The following DNAI4 variants were observed in gnomAD, a reference collection of about 807,000 sequenced individuals.
DNAI4 encodes the protein WD repeat domain 78.
DNAI4 carries 85 observed loss-of-function variants against 105.8 expected under a neutral mutation model. That is an observed-to-expected ratio of 0.80 (90% CI 0.67 to 0.96). The LOEUF (loss-of-function observed/expected upper bound fraction) is 0.96, where lower values mean the gene tolerates loss of function less well. Ranked by LOEUF, DNAI4 falls within the 40% of genes least tolerant of loss-of-function variation. The pLI is 0.00. For synonymous variants in DNAI4, 352 were observed against 331.5 expected (o/e 1.06, Z -0.67); for missense variants, 1,014 against 1,005.6 (o/e 1.01, Z -0.11).
At chr1:66,849,987 GA>G (rs1317929041) in intron 7 of DNAI4, among the ~76,000 whole-genome samples, 1 of 151,980 alleles carries the variant, frequency 6.6e-6, no homozygotes, top group Non-Finnish European at 1.5e-5. Context: ...GGGTGAGCCT[GA>G]AAAAGTACTT....
intron 4 of DNAI4, among the ~76,000 whole-genome samples, chr1:66,880,918 G>T (rs1647055561): frequency 6.6e-6 from 1 of 152,152 alleles, no homozygotes; most frequent in Non-Finnish European, 1.5e-5. Flanking sequence ...CCGGTGTTGT[G>T]TGCAGTCTAG....
At chr1:66,826,771 A>C (rs767185030) in intron 15 of DNAI4, 49 bp downstream of exon 15, 2 of 1,543,844 alleles carry the variant, frequency 1.3e-6, no homozygotes, top group East Asian at 2.3e-5. Flanking sequence ...GGTATCACTT[A>C]GTTTGAACTG....
intron 11 of DNAI4, among the ~76,000 whole-genome samples, chr1:66,835,174 A>G (rs1383070431): frequency 6.6e-6 from 1 of 151,630 alleles, no homozygotes; most frequent in African/African-American, 2.4e-5. Context: ...GCTCTCAAGG[A>G]ACTTATACCC....
chr1:66,880,031 C>T lies in DNAI4; in HGVS notation c.644-5094G>A, dbSNP rs534814178. On this transcript the variant is annotated intron_variant, in intron 4 of 16. Transcript: ENST00000371026. The stretch of plus-strand genomic sequence containing the variant: ...TGATAGTGAATGAGTCTCACAAGGT[C>T]TGATGGTTTTAAAAGCGGGAGTTTC... Among the ~76,000 whole-genome samples the T allele has an allele frequency of 1.6e-3, 246 of 151,634 alleles. 1 individual carries two copies. The highest frequency in any genetic ancestry group is 2.0e-3 in the Admixed American group (31 of 15,224).
intron 1 of DNAI4, among the ~76,000 whole-genome samples, chr1:66,922,054 C>T (rs1271766065): frequency 1.3e-5 from 2 of 151,994 alleles, no homozygotes; most frequent in African/African-American, 2.4e-5. Flanking sequence ...CATGCCACCA[C>T]GCCTGGCTCA....
At chr1:66,880,905 G>A (rs1367258815) in intron 4 of DNAI4, among the ~76,000 whole-genome samples, 5 of 152,148 alleles carry the variant, frequency 3.3e-5, no homozygotes, top group Non-Finnish European at 1.5e-5. Context: ...TGGGCCCAGG[G>A]TCCCGGTGTT....
At chr1:66,896,725 T>C (rs1348467388) in intron 2 of DNAI4, among the ~76,000 whole-genome samples, 2 of 152,196 alleles carry the variant, frequency 1.3e-5, no homozygotes, top group African/African-American at 4.8e-5. Context: ...ACCTCAGCTC[T>C]CTGCAGAGTC....
At chr1:66,838,519 G>A (rs926602994) in intron 9 of DNAI4, among the ~76,000 whole-genome samples, 26 of 152,222 alleles carry the variant, frequency 1.7e-4, no homozygotes, top group African/African-American at 6.0e-4. Flanking sequence ...ATATTGTTAC[G>A]GCAGCATGAG....
At chr1:66,869,081 TAAA>T (rs1472465392) in intron 6 of DNAI4, among the ~76,000 whole-genome samples, 1 of 148,568 alleles carries the variant, frequency 6.7e-6, no homozygotes, top group Non-Finnish European at 1.5e-5. Context: ...TCAAAATAAA[TAAA>T]TAAATAAATA....
At chr1:66,868,941 T>C (rs1646785519) in intron 6 of DNAI4, among the ~76,000 whole-genome samples, 1 of 151,750 alleles carries the variant, frequency 6.6e-6, no homozygotes, top group Non-Finnish European at 1.5e-5. Flanking sequence ...CTGGGTGTGT[T>C]GGTGCGCCTG....
At chr1:66,828,012 C>A (rs542478692) in intron 13 of DNAI4, 102 bp from the exon 14 acceptor site, 3 of 709,774 alleles carry the variant, frequency 4.2e-6, no homozygotes, top group East Asian at 5.7e-5. Flanking sequence ...AATTCAAGAA[C>A]CCAAAATAAA....
intron 13 of DNAI4, among the ~76,000 whole-genome samples, chr1:66,831,756 C>T (rs1002606633): frequency 2.0e-5 from 3 of 152,138 alleles, no homozygotes; most frequent in African/African-American, 7.2e-5. Context: ...CATCACTGTA[C>T]TGGAGGTTGT....
chr1:66,875,300 C>T (rs981134845), intron 4 of DNAI4, among the ~76,000 whole-genome samples: 3 of 152,170 alleles, frequency 2.0e-5, no homozygotes, highest in Admixed American at 2.0e-4. Context: ...ATAAGCAACA[C>T]TTCTTTGAGC....
intron 4 of DNAI4, among the ~76,000 whole-genome samples, chr1:66,889,854 A>G (rs1200080611): frequency 6.6e-6 from 1 of 152,186 alleles, no homozygotes; most frequent in Non-Finnish European, 1.5e-5. Context: ...CAAACAAGTA[A>G]CTAATCATCT....
intron 5 of DNAI4, among the ~76,000 whole-genome samples, chr1:66,872,262 T>C (rs1192907275): frequency 6.6e-6 from 1 of 151,862 alleles, no homozygotes; most frequent in Non-Finnish European, 1.5e-5. Flanking sequence ...GGAGTCTTGC[T>C]CTGTCACCCA....
chr1:66,836,258 A>AAGAAAGAAAGAGAGAGAG (rs1407612579), intron 10 of DNAI4, among the ~76,000 whole-genome samples: 7 of 7,366 alleles, frequency 9.5e-4, no homozygotes, highest in Non-Finnish European at 1.4e-3. Context: ...GAGAGAGAGA[A>AAGAAAGAAAGAGAGAGAG]AGAAAGAAAG....
chr1:66,921,804 G>C lies in DNAI4; in HGVS notation c.170+2858C>G, dbSNP rs147931338. Reference sequence around the variant, plus strand: ...TTCTTCAATCTAGGCAATGGATACAGTAGTGAACAAAACAAAAATCTCTGC... The same window carrying C: ...TTCTTCAATCTAGGCAATGGATACACTAGTGAACAAAACAAAAATCTCTGC... On this transcript the variant is annotated intron_variant, in intron 1 of 16. Coordinates refer to ENST00000371026, the MANE Select transcript of DNAI4 (RefSeq NM_024763.5). Among the ~76,000 whole-genome samples the C allele has an allele frequency of 3.7e-3, 560 of 152,100 alleles. 3 individuals carry two copies. Among genetic ancestry groups the C allele is most frequent in the African/African-American group, 0.012 (516 of 41,504 alleles).
At chr1:66,859,535 T>A (rs1201257665) in intron 7 of DNAI4, among the ~76,000 whole-genome samples, 1 of 152,128 alleles carries the variant, frequency 6.6e-6, no homozygotes, top group Non-Finnish European at 1.5e-5. Context: ...TTACAAAAAA[T>A]TTGAAGCAGC....
rs576816513 is a variant in DNAI4 at position 66,903,737 on chromosome 1, C to T, written c.345+1464G>A. On this transcript the variant is annotated intron_variant, in intron 2 of 16. Transcript: ENST00000371026. Reference sequence around the variant, plus strand: ...CTCGAACTCCTGACCTCAAGTGATCCGCCTGCCTTGGCCTCCCAAAGAGCT... The same window carrying T: ...CTCGAACTCCTGACCTCAAGTGATCTGCCTGCCTTGGCCTCCCAAAGAGCT... 2.3e-3 allele frequency among the ~76,000 whole-genome samples: 354 copies of T among 152,212 alleles called. 1 individual carries two copies. The highest frequency in any genetic ancestry group is 6.6e-3 in the African/African-American group (276 of 41,534).
Sources: gnomAD v4.1 joint callset for allele counts (sites outside exome capture counted in the v4.1 genomes callset) on GRCh38, gnomAD v4.1.1 for gene constraint, MANE v1.5 for transcripts, NCBI Gene and HGNC (gene_info 2026-07-23, HGNC 2026-07-21) for gene names.